Variants in PKNOX2 observed in about 807,000 individuals in gnomAD.
PKNOX2 encodes the protein homeobox protein PKNOX2.
Under a neutral mutation model 53.1 loss-of-function variants are expected in PKNOX2, and 14 were observed. That is an observed-to-expected ratio of 0.26 (90% CI 0.17 to 0.41). The LOEUF is 0.41. Ranked by LOEUF, PKNOX2 falls within the 10% of genes least tolerant of loss-of-function variation. PKNOX2 has a pLI of 1.00. For missense variants in PKNOX2, 496 were observed against 602.8 expected, an observed-to-expected ratio of 0.82 and a Z score of 1.85; for synonymous variants, 257 against 242.8, an observed-to-expected ratio of 1.06 and a Z score of -0.54.
rs140135186 is a variant in PKNOX2, at chr11:125,203,263, G to T, written c.-200-31782G>T. ...CTCGCGAGTAGCTCAGACCACAAGT[G>T]CGCTAATTTAAAATTTTTTGGTAGA... On this transcript the variant is annotated intron_variant, in intron 1 of 12. Transcript: ENST00000298282. 4.4e-3 allele frequency among the ~76,000 whole-genome samples: 674 copies of T among 152,258 alleles called. 7 individuals are homozygous for T. Among genetic ancestry groups the T allele is most frequent in the African/African-American group, 0.016 (657 of 41,538 alleles).
intron 1 of PKNOX2, among the ~76,000 whole-genome samples, chr11:125,211,941 C>G (rs997417865): frequency 1.3e-5 from 2 of 152,060 alleles, no homozygotes; most frequent in African/African-American, 4.8e-5. Context: ...TATTTGGTTT[C>G]CTATATGGCT....
In PKNOX2 at chr11:125,397,978, C is replaced by T. The variant is rs1954512252; in HGVS notation, c.504C>T (p.Thr168=). 2.5e-6 allele frequency: 4 copies of T among 1,614,034 alleles called. No homozygotes were observed. The highest frequency in any genetic ancestry group is 2.2e-5 in the East Asian group (1 of 44,888). Reference sequence around the variant, plus strand: ...ACCGTTACATCACCTGCCTCAAAACCAAGATGCACAGCGACAACCTGCTCA... The same window carrying T: ...ACCGTTACATCACCTGCCTCAAAACTAAGATGCACAGCGACAACCTGCTCA... ...FCNRYITCLK[T]KMHSDNLLRN... is the part of the protein sequence containing the mutation. Residue 168 remains threonine, a synonymous_variant, in exon 7 of 13, where the codon ACC becomes ACT. Coordinates refer to ENST00000298282, the MANE Select transcript of PKNOX2 (RefSeq NM_001382323.2).
intron 6 of PKNOX2, among the ~76,000 whole-genome samples, chr11:125,394,274 C>A (rs887738267): frequency 9.8e-5 from 15 of 152,304 alleles, no homozygotes; most frequent in African/African-American, 3.4e-4. Context: ...GTACTTAACT[C>A]CACTTTGGGG....
intron 2 of PKNOX2, among the ~76,000 whole-genome samples, chr11:125,250,194 G>A (rs1220764129): frequency 1.3e-5 from 2 of 151,816 alleles, no homozygotes; most frequent in East Asian, 3.9e-4. Context: ...GGGACTACAG[G>A]TGCATGCCAC....
At chr11:125,427,454 G>A (rs898651552) in intron 10 of PKNOX2, among the ~76,000 whole-genome samples, 4 of 152,180 alleles carry the variant, frequency 2.6e-5, no homozygotes, top group Non-Finnish European at 4.4e-5. Context: ...CCGATAATGC[G>A]AGTACCACCA....
chr11:125,219,780 C>G (rs1940935227), intron 1 of PKNOX2, among the ~76,000 whole-genome samples: 1 of 152,146 alleles, frequency 6.6e-6, no homozygotes, highest in South Asian at 2.1e-4. Context: ...TTGGCAAGGC[C>G]CTGGGGAAAC....
At chr11:125,167,249 C>T (rs1954955862) in intron 1 of PKNOX2, among the ~76,000 whole-genome samples, 1 of 152,002 alleles carries the variant, frequency 6.6e-6, no homozygotes, top group African/African-American at 2.4e-5. Flanking sequence ...GAGATTTCCT[C>T]CTCTTAATAT....
chr11:125,169,580 A>T (rs1343538946), intron 1 of PKNOX2, among the ~76,000 whole-genome samples: 1 of 152,166 alleles, frequency 6.6e-6, no homozygotes. Flanking sequence ...GCATGACTCC[A>T]GTGGGTCATC....
intron 1 of PKNOX2, among the ~76,000 whole-genome samples, chr11:125,181,932 A>T (rs1302826033): frequency 6.6e-6 from 1 of 152,098 alleles, no homozygotes; most frequent in Non-Finnish European, 1.5e-5. Context: ...CGAAATTCCC[A>T]GTTCAACCCA....
intron 7 of PKNOX2, among the ~76,000 whole-genome samples, chr11:125,407,004 T>C (rs1955150937): frequency 6.9e-6 from 1 of 145,408 alleles, no homozygotes; most frequent in African/African-American, 2.5e-5. Flanking sequence ...GGGATGAATA[T>C]CATTTCCCCA....
intron 2 of PKNOX2, among the ~76,000 whole-genome samples, chr11:125,314,878 C>T (rs1291872720): frequency 6.6e-6 from 1 of 152,162 alleles, no homozygotes; most frequent in Non-Finnish European, 1.5e-5. Flanking sequence ...GGAGACTATT[C>T]CTTTCCTGAC....
intron 1 of PKNOX2, among the ~76,000 whole-genome samples, chr11:125,178,429 T>G (rs1955850199): frequency 6.6e-6 from 1 of 150,808 alleles, no homozygotes; most frequent in Non-Finnish European, 1.5e-5. Context: ...GAGAATCGCT[T>G]GAACCCGGGA....
At chr11:125,176,636 G>C (rs1408834060) in intron 1 of PKNOX2, among the ~76,000 whole-genome samples, 1 of 152,202 alleles carries the variant, frequency 6.6e-6, no homozygotes, top group Non-Finnish European at 1.5e-5. Context: ...ATGAACTCTA[G>C]TCACCTTGGG....
intron 7 of PKNOX2, among the ~76,000 whole-genome samples, chr11:125,402,040 A>G (rs958539519): frequency 6.6e-6 from 1 of 151,810 alleles, no homozygotes; most frequent in African/African-American, 2.4e-5. Context: ...TGGTATCCCC[A>G]CTCCCAGATG....
At chr11:125,278,058 A>G (rs892822512) in intron 2 of PKNOX2, among the ~76,000 whole-genome samples, 1 of 152,088 alleles carries the variant, frequency 6.6e-6, no homozygotes, top group Non-Finnish European at 1.5e-5. Context: ...TTCTACAAAA[A>G]TACAAAAAAA....
chr11:125,192,603 C>A (rs1956946724), intron 1 of PKNOX2, among the ~76,000 whole-genome samples: 1 of 152,208 alleles, frequency 6.6e-6, no homozygotes, highest in Admixed American at 6.5e-5. Context: ...TAGTAACAGC[C>A]ACCCTTTATT....
intron 1 of PKNOX2, among the ~76,000 whole-genome samples, chr11:125,212,738 C>T (rs1025367384): frequency 1.3e-5 from 2 of 151,830 alleles, no homozygotes; most frequent in African/African-American, 2.4e-5. Flanking sequence ...AGAGCCAGCC[C>T]CCAAGCTGGA....
Position 125,352,411 on chromosome 11 carries a change from C to T in PKNOX2, c.87+1019C>T, listed in dbSNP as rs943188530. On this transcript the variant is annotated intron_variant, in intron 4 of 12. Transcript: ENST00000298282. The surrounding 1 kb of genome is among the most constrained non-coding windows in gnomAD (Gnocchi z 4.1). ...CAGGCTACCATCTGCACTCCTCCAGCAGCCACTCTCTGCCCTCCTCTGCCA... is the reference window on the plus strand; with the variant it reads ...CAGGCTACCATCTGCACTCCTCCAGTAGCCACTCTCTGCCCTCCTCTGCCA... Among the ~76,000 whole-genome samples the T allele has an allele frequency of 5.3e-5, 8 of 152,178 alleles. No individual in the cohort carries two copies. Among genetic ancestry groups the T allele is most frequent in the Admixed American group, 2.0e-4 (3 of 15,280 alleles).
intron 4 of PKNOX2, among the ~76,000 whole-genome samples, chr11:125,357,388 G>A (rs1263323373): frequency 6.6e-6 from 1 of 152,130 alleles, no homozygotes; most frequent in Non-Finnish European, 1.5e-5. Flanking sequence ...TTAAACTTGG[G>A]AAGAAACACT....
Sources: allele counts gnomAD v4.1 joint callset (sites outside exome capture counted in the v4.1 genomes callset), GRCh38; gene constraint gnomAD v4.1.1; non-coding constraint Gnocchi (gnomAD v3.1); transcripts MANE v1.5; gene names NCBI Gene and HGNC (gene_info 2026-07-23, HGNC 2026-07-21).